Variants in PCDHA12 observed in about 807,000 individuals in gnomAD.
PCDHA12 encodes the protein protocadherin alpha 12.
Under a neutral mutation model 60.0 loss-of-function variants are expected in PCDHA12, and 44 were observed. The observed-to-expected ratio is 0.73, with a 90% CI of 0.58 to 0.94. The LOEUF is 0.94. Ranked by LOEUF, PCDHA12 falls within the 40% of genes least tolerant of loss-of-function variation. The pLI, the probability that PCDHA12 is intolerant of heterozygous loss-of-function variation, is 0.00. For missense variants in PCDHA12, 1,276 were observed against 1,239.7 expected (o/e 1.03, Z -0.44); for synonymous variants, 569 against 553.0 (o/e 1.03, Z -0.40).
chr5:140,896,596 C>T (rs1554187019), intron 1 of PCDHA12, among the ~76,000 whole-genome samples: 2 of 151,466 alleles, frequency 1.3e-5, no homozygotes, highest in African/African-American at 4.9e-5. Flanking sequence ...AGGCTGGTCT[C>T]GAACTCCTGG....
chr5:140,891,933 C>T (rs1554185011), intron 1 of PCDHA12, among the ~76,000 whole-genome samples: 1 of 152,220 alleles, frequency 6.6e-6, no homozygotes, highest in African/African-American at 2.4e-5. Flanking sequence ...TGATCTTGGA[C>T]TTCCCCTAGG....
Position 141,010,037 on chromosome 5 carries a change from C to A in PCDHA12, c.*100C>A. The A allele has an allele frequency of 1.3e-6, 2 of 1,582,242 alleles. No individual in the cohort carries two copies. The highest frequency in any genetic ancestry group is 1.2e-5 in the South Asian group (1 of 84,630). On this transcript the variant is annotated 3_prime_UTR_variant, in exon 4 of 4. Transcript: ENST00000398631. ...GCTCCTTTTTCCTATCTACATGAGC[C>A]CTCTTAGAGACCTCAGAAATCTGCA...
intron 1 of PCDHA12, among the ~76,000 whole-genome samples, chr5:140,899,629 G>T (rs2067446538): frequency 6.6e-6 from 1 of 152,116 alleles, no homozygotes; most frequent in African/African-American, 2.4e-5. Flanking sequence ...AAGGATATTG[G>T]TCTAAAATTC....
intron 2 of PCDHA12, 146 bp downstream of exon 2, chr5:140,979,153 G>A (rs2096837239): frequency 2.8e-6 from 4 of 1,434,028 alleles, no homozygotes; most frequent in Non-Finnish European, 2.7e-6. Context: ...TTGTCCCCAT[G>A]TTTATTCCTT....
chr5:140,936,867 T>TA (rs1471990778), intron 1 of PCDHA12, among the ~76,000 whole-genome samples: 5 of 152,214 alleles, frequency 3.3e-5, no homozygotes, highest in Admixed American at 2.6e-4. Context: ...GTTTCTATTT[T>TA]AAAAAACCCT....
intron 1 of PCDHA12, among the ~76,000 whole-genome samples, chr5:140,921,678 A>C (rs2080326339): frequency 6.6e-6 from 1 of 152,222 alleles, no homozygotes; most frequent in South Asian, 2.1e-4. Context: ...AGTTATCATC[A>C]AACACTGGCC....
intron 1 of PCDHA12, among the ~76,000 whole-genome samples, chr5:140,976,335 G>T (rs1554237529): frequency 6.6e-6 from 1 of 152,140 alleles, no homozygotes; most frequent in East Asian, 1.9e-4. Flanking sequence ...TGGATTGCCT[G>T]AGGTCAGGTG....
chr5:140,966,188 T>G (rs1454663585), intron 1 of PCDHA12: 7 of 200,348 alleles, frequency 3.5e-5, no homozygotes, highest in Non-Finnish European at 6.9e-5. Context: ...ATAGCCAGAC[T>G]TCTAGGGGCT....
intron 1 of PCDHA12, among the ~76,000 whole-genome samples, chr5:140,920,150 G>A (rs2079485713): frequency 6.6e-6 from 1 of 152,244 alleles, no homozygotes; most frequent in South Asian, 2.1e-4. Flanking sequence ...CCAAACCTGG[G>A]AGAAAAACTG....
Position 140,909,713 on chromosome 5 carries a change from C to G in PCDHA12, c.2367+31874C>G, listed in dbSNP as rs6870083. 8.9e-3 allele frequency among the ~76,000 whole-genome samples: 1,356 copies of G among 152,266 alleles called. 15 individuals carry two copies. The highest frequency in any genetic ancestry group is 0.032 in the African/African-American group (1,312 of 41,548). ...GGGTTCTGCTAGCTGCTAAGTATAC[C>G]TATGCCAATTATGCATTCTGGCACT... is the stretch of plus-strand genomic sequence containing the variant. On this transcript the variant is annotated intron_variant, in intron 1 of 3. Transcript: ENST00000398631.
chr5:140,999,975 A>G (rs952038024), intron 3 of PCDHA12, among the ~76,000 whole-genome samples: 3 of 152,078 alleles, frequency 2.0e-5, no homozygotes, highest in African/African-American at 7.2e-5. Context: ...TAGCAGCTCT[A>G]GCGGCCTCTG....
chr5:140,905,120 G>T (rs1191513318), intron 1 of PCDHA12, among the ~76,000 whole-genome samples: 3 of 152,214 alleles, frequency 2.0e-5, no homozygotes, highest in African/African-American at 7.2e-5. Flanking sequence ...CTAAGCCAAT[G>T]TCTAGAAGAG....
chr5:140,928,973 T>G (rs782178426), intron 1 of PCDHA12: 3 of 1,613,958 alleles, frequency 1.9e-6, no homozygotes, highest in Non-Finnish European at 2.5e-6. Flanking sequence ...ATTTCCTTTT[T>G]ATTTCTGGGG....
chr5:140,933,441 C>T (rs1197059199), intron 1 of PCDHA12, among the ~76,000 whole-genome samples: 1 of 151,990 alleles, frequency 6.6e-6, no homozygotes, highest in African/African-American at 2.4e-5. Flanking sequence ...ACTCTAATGA[C>T]ATACCTTCAA....
intron 1 of PCDHA12, among the ~76,000 whole-genome samples, chr5:140,933,324 G>A (rs563163291): frequency 5.3e-5 from 8 of 151,904 alleles, no homozygotes; most frequent in Non-Finnish European, 1.2e-4. Context: ...GTATTCTCCT[G>A]TGCTGTAGAG....
chr5:140,906,822 T>C (rs2072968102), intron 1 of PCDHA12, among the ~76,000 whole-genome samples: 1 of 152,142 alleles, frequency 6.6e-6, no homozygotes, highest in African/African-American at 2.4e-5. Context: ...CACTGTGGAG[T>C]AGTAGACTGA....
intron 1 of PCDHA12, chr5:140,884,758 C>A (rs1582804628): frequency 2.1e-6 from 3 of 1,424,736 alleles, no homozygotes; most frequent in East Asian, 2.5e-5. Context: ...TCAAATTATT[C>A]TTTACTTTAA....
At position 140,899,599 on chromosome 5, in the gene PCDHA12, C is replaced by T. The variant is rs535938234; in HGVS notation, c.2367+21760C>T. Among the ~76,000 whole-genome samples the T allele has an allele frequency of 8.0e-3, 1,213 of 152,222 alleles. 6 individuals carry two copies. Among genetic ancestry groups the T allele is most frequent in the African/African-American group, 0.019 (784 of 41,538 alleles). ...CGGTTTGCCAGTATTTTATTGAGGA[C>T]TTTTGCATCAATGTTCATCAAGGAT... On this transcript the variant is annotated intron_variant, in intron 1 of 3. Coordinates refer to ENST00000398631, the MANE Select transcript of PCDHA12 (RefSeq NM_018903.4).
At chr5:141,002,014 C>T (rs1025365420) in intron 3 of PCDHA12, among the ~76,000 whole-genome samples, 1 of 152,220 alleles carries the variant, frequency 6.6e-6, no homozygotes, top group Non-Finnish European at 1.5e-5. Context: ...AGAATCTGCA[C>T]AGCCTTCGGT....
Sources: allele counts gnomAD v4.1 joint callset (sites outside exome capture counted in the v4.1 genomes callset), GRCh38; gene constraint gnomAD v4.1.1; transcripts MANE v1.5; gene names NCBI Gene and HGNC (gene_info 2026-07-23, HGNC 2026-07-21).